KCNQ3: variants seen among roughly 807,000 people sequenced by gnomAD.
KCNQ3 encodes potassium voltage-gated channel subfamily Q member 3, also known as potassium voltage-gated channel subfamily KQT member 3.
KCNQ3 carries 30 observed loss-of-function variants against 92.5 expected under a neutral mutation model. The observed-to-expected ratio is 0.32, with a 90% confidence interval of 0.24 to 0.44. The LOEUF (loss-of-function observed/expected upper bound fraction) is 0.44. Among genes scored for constraint, KCNQ3 ranks in the 20% least tolerant of loss-of-function variants. The pLI is 1.00. For missense variants in KCNQ3, 913 were observed against 1,140.3 expected (o/e 0.80, Z 2.87); for synonymous variants, 450 against 468.8 (o/e 0.96, Z 0.52).
chr8:132,356,464 G>T (rs1187220395), intron 1 of KCNQ3, among the ~76,000 whole-genome samples: 1 of 152,170 alleles, frequency 6.6e-6, no homozygotes, highest in Admixed American at 6.5e-5. Flanking sequence ...TATGAGAGCT[G>T]TCAGGTAGAC....
At chr8:132,183,107 A>G (rs1277881593) in intron 3 of KCNQ3, among the ~76,000 whole-genome samples, 1 of 152,180 alleles carries the variant, frequency 6.6e-6, no homozygotes, top group Non-Finnish European at 1.5e-5. Context: ...CTGGCTGTCC[A>G]TCCCCGAAGG....
chr8:132,149,806 T>A (rs1398076558), intron 9 of KCNQ3, among the ~76,000 whole-genome samples: 1 of 152,116 alleles, frequency 6.6e-6, no homozygotes, highest in Non-Finnish European at 1.5e-5. Context: ...AGGGTAAGTA[T>A]GAGCCACAAC....
chr8:132,348,326 G>T (rs755677123), intron 1 of KCNQ3, among the ~76,000 whole-genome samples: 7 of 152,148 alleles, frequency 4.6e-5, no homozygotes, highest in Non-Finnish European at 1.0e-4. Flanking sequence ...TGCAACAGAC[G>T]GTTTGCTGGA....
chr8:132,462,786 T>C (rs1167923080), intron 1 of KCNQ3, among the ~76,000 whole-genome samples: 1 of 152,206 alleles, frequency 6.6e-6, no homozygotes, highest in Non-Finnish European at 1.5e-5. Context: ...TTTTTAATGA[T>C]TAACCTGATA....
chr8:132,215,608 CT>C (rs1284613881), intron 1 of KCNQ3, among the ~76,000 whole-genome samples: 1 of 152,180 alleles, frequency 6.6e-6, no homozygotes, highest in Non-Finnish European at 1.5e-5. Flanking sequence ...GTTTCCCACG[CT>C]TCTGCCTCTG....
intron 1 of KCNQ3, among the ~76,000 whole-genome samples, chr8:132,258,254 T>A (rs1815659146): frequency 6.6e-6 from 1 of 152,142 alleles, no homozygotes; most frequent in Admixed American, 6.5e-5. Context: ...ATATAGTATA[T>A]GTTGGACAAT....
chr8:132,197,701 A>G (rs7832151), intron 1 of KCNQ3, among the ~76,000 whole-genome samples: 1 of 152,172 alleles, frequency 6.6e-6, no homozygotes, highest in Non-Finnish European at 1.5e-5. Flanking sequence ...TGTGGCGTGT[A>G]TTCTATGTAT....
At chr8:132,395,837 G>A (rs538102640) in intron 1 of KCNQ3, among the ~76,000 whole-genome samples, 23 of 152,280 alleles carry the variant, frequency 1.5e-4, no homozygotes, top group African/African-American at 4.8e-4. Flanking sequence ...GGGGAATGTC[G>A]CATCTCAGCA....
At chr8:132,156,630 A>C (rs1825802836) in intron 9 of KCNQ3, among the ~76,000 whole-genome samples, 1 of 152,150 alleles carries the variant, frequency 6.6e-6, no homozygotes, top group African/African-American at 2.4e-5. Flanking sequence ...TCTCAAAGTC[A>C]TGTATCCTGG....
intron 8 of KCNQ3, among the ~76,000 whole-genome samples, chr8:132,163,813 G>T (rs1272346155): frequency 1.3e-5 from 2 of 152,186 alleles, no homozygotes; most frequent in Admixed American, 6.5e-5. Flanking sequence ...TTTATTTGGT[G>T]GTGGAGACAG....
At chr8:132,178,106 T>A (rs568265255) in intron 4 of KCNQ3, among the ~76,000 whole-genome samples, 38 of 152,302 alleles carry the variant, frequency 2.5e-4, no homozygotes, top group African/African-American at 8.7e-4. Context: ...TCTATTATAG[T>A]CTAGAGGAAC....
intron 1 of KCNQ3, among the ~76,000 whole-genome samples, chr8:132,452,038 C>G (rs1331759208): frequency 1.3e-5 from 2 of 152,226 alleles, no homozygotes; most frequent in African/African-American, 4.8e-5. Flanking sequence ...GTTTCTCACA[C>G]CGCAGCCAAG....
chr8:132,231,985 A>G (rs1814659991), intron 1 of KCNQ3, among the ~76,000 whole-genome samples: 1 of 152,140 alleles, frequency 6.6e-6, no homozygotes, highest in Non-Finnish European at 1.5e-5. Context: ...ATACCTCCCT[A>G]CTGGAATAGT....
At chr8:132,343,218 C>A (rs1401238956) in intron 1 of KCNQ3, among the ~76,000 whole-genome samples, 1 of 152,248 alleles carries the variant, frequency 6.6e-6, no homozygotes, top group Non-Finnish European at 1.5e-5. Flanking sequence ...CATGCACTCA[C>A]CATGTCACTT....
At position 132,178,763 on chromosome 8, in the gene KCNQ3, C is replaced by T. The variant is rs529184360; in HGVS notation, c.777+1394G>A. 2.2e-4 allele frequency among the ~76,000 whole-genome samples: 34 copies of T among 151,852 alleles called. No homozygotes were observed. The South Asian group carries it at 6.5e-3, about 29-fold the overall frequency. On this transcript the variant is annotated intron_variant, in intron 4 of 14. Transcript: ENST00000388996. ...TTGTGAAGGTATGTTCTGGAGCTGT[C>T]CAGCTACAGGTGGCATGGTCACGTT...
chr8:132,353,174 C>T (rs980808934), intron 1 of KCNQ3, among the ~76,000 whole-genome samples: 53 of 152,070 alleles, frequency 3.5e-4, no homozygotes, highest in African/African-American at 1.0e-3. Context: ...TGCAGTGAGC[C>T]GAGATCGCGC....
At chr8:132,229,329 T>C (rs1158423217) in intron 1 of KCNQ3, among the ~76,000 whole-genome samples, 1 of 152,020 alleles carries the variant, frequency 6.6e-6, no homozygotes, top group Non-Finnish European at 1.5e-5. Context: ...GTGCAGTTTT[T>C]CCCAGGAGAA....
At chr8:132,277,871 T>C (rs1816387929) in intron 1 of KCNQ3, 6 of 893,850 alleles carry the variant, frequency 6.7e-6, no homozygotes, top group Non-Finnish European at 6.7e-6. Context: ...AGGTTTTTTC[T>C]TCTTTTTATA....
intron 1 of KCNQ3, among the ~76,000 whole-genome samples, chr8:132,186,956 C>CAGAGAGAGGGAGAGAG (rs1826984525): frequency 1.1e-5 from 1 of 94,184 alleles, no homozygotes; most frequent in Non-Finnish European, 2.0e-5. Flanking sequence ...GAGAGAGAGA[C>CAGAGAGAGGGAGAGAG]AGAGAGAGAG....
Sources: gnomAD v4.1 joint callset for allele counts (sites outside exome capture counted in the v4.1 genomes callset) on GRCh38, gnomAD v4.1.1 for gene constraint, MANE v1.5 for transcripts, NCBI Gene and HGNC (gene_info 2026-07-23, HGNC 2026-07-21) for gene names.